The following ENDOD1 variants were observed in gnomAD, a reference collection of about 807,000 sequenced individuals.
ENDOD1 encodes the protein endonuclease domain-containing 1 protein.
In ENDOD1, 9 loss-of-function variants were observed where a neutral mutation model predicts 6.5. That is an observed-to-expected ratio of 1.39 (90% CI 0.84 to 2.43). The LOEUF is 2.43. Ranked by LOEUF, ENDOD1 falls within the 30% of genes most tolerant of loss-of-function variation. The probability of loss-of-function intolerance (pLI) is 0.00; values close to 1 mark genes in which losing one functional copy is unlikely to be tolerated. For synonymous variants in ENDOD1, 255 were observed against 255.2 expected (o/e 1.00, Z 0.01); for missense variants, 648 against 635.5 (o/e 1.02, Z -0.21).
intron 1 of ENDOD1, among the ~76,000 whole-genome samples, chr11:95,127,298 AT>A (rs1859320926): frequency 6.6e-6 from 1 of 152,004 alleles, no homozygotes; most frequent in African/African-American, 2.4e-5. Context: ...ATAATCATAA[AT>A]AATATTGAAT....
chr11:95,116,562 T>C (rs1431870853), intron 1 of ENDOD1, among the ~76,000 whole-genome samples: 1 of 152,230 alleles, frequency 6.6e-6, no homozygotes, highest in African/African-American at 2.4e-5. Flanking sequence ...TCTAGTACTT[T>C]AAGATGCAAC....
intron 1 of ENDOD1, among the ~76,000 whole-genome samples, chr11:95,103,983 C>T (rs1312224654): frequency 2.0e-5 from 3 of 152,218 alleles, no homozygotes; most frequent in African/African-American, 7.2e-5. Flanking sequence ...TTCACACCTG[C>T]TCTGTCACCA....
intron 1 of ENDOD1, among the ~76,000 whole-genome samples, chr11:95,127,489 A>G (rs1211882501): frequency 6.6e-6 from 1 of 152,200 alleles, no homozygotes; most frequent in Non-Finnish European, 1.5e-5. Flanking sequence ...ATAAATACCT[A>G]ATAACTGACA....
chr11:95,110,528 T>TG (rs548933202), intron 1 of ENDOD1, among the ~76,000 whole-genome samples: 81 of 152,232 alleles, frequency 5.3e-4, no homozygotes, highest in Non-Finnish European at 9.9e-4. Flanking sequence ...CCTGGTACAC[T>TG]GGGTTCCCTT....
chr11:95,124,359 TA>T (rs1163982665), intron 1 of ENDOD1, among the ~76,000 whole-genome samples: 2 of 152,190 alleles, frequency 1.3e-5, no homozygotes, highest in East Asian at 3.8e-4. Context: ...GTTCAAAAAA[TA>T]TTAGTCTCCA....
At chr11:95,094,394 C>CT (rs1415593344) in intron 1 of ENDOD1, among the ~76,000 whole-genome samples, 10 of 152,094 alleles carry the variant, frequency 6.6e-5, no homozygotes, top group African/African-American at 2.4e-4. Flanking sequence ...TCTTAGGACT[C>CT]TAATTTTCAT....
intron 1 of ENDOD1, among the ~76,000 whole-genome samples, chr11:95,099,843 T>C (rs1254446437): frequency 3.3e-5 from 5 of 152,330 alleles, no homozygotes; most frequent in Admixed American, 3.3e-4. Context: ...CTTGCTGTTA[T>C]CTTAGTGTTT....
intron 1 of ENDOD1, among the ~76,000 whole-genome samples, chr11:95,098,400 G>A (rs1859006735): frequency 6.6e-6 from 1 of 152,138 alleles, no homozygotes; most frequent in African/African-American, 2.4e-5. Flanking sequence ...GGAGGTGTTG[G>A]ACATGTCTCC....
At chr11:95,119,255 G>A (rs535294082) in intron 1 of ENDOD1, among the ~76,000 whole-genome samples, 1 of 152,318 alleles carries the variant, frequency 6.6e-6, no homozygotes, top group South Asian at 2.1e-4. Context: ...GCATTGAAGA[G>A]TGAGGTATTT....
chr11:95,090,185 T>C lies in ENDOD1; in HGVS notation c.258T>C (p.Pro86=). ...ACTCCGCGTTCCGCGCCCCGCGCCC[T>C]GCGCCCGGCGGCGCCGAGCAGCGAT... is the stretch of plus-strand genomic sequence containing the variant. ...PVYSAFRAPR[P]APGGAEQRWL... is the part of the protein sequence containing the mutation. The change falls in exon 1 of 2, where the codon CCT becomes CCC. Residue 86 remains proline, a synonymous_variant. Coordinates refer to ENST00000278505, the MANE Select transcript of ENDOD1 (RefSeq NM_015036.3). 2.8e-6 allele frequency: 4 copies of C among 1,422,322 alleles called. No homozygotes were observed. In the South Asian group the frequency reaches 5.7e-5, roughly 20 times the overall value. The allele number at this position is 1,422,322 out of a possible 1,614,324, so 88.1% of individuals were successfully genotyped here. A position where few individuals can be genotyped will look rare whatever the true frequency, so the allele number is the denominator to read the frequency against.
intron 1 of ENDOD1, among the ~76,000 whole-genome samples, chr11:95,116,025 C>T (rs1859205468): frequency 6.6e-6 from 1 of 152,080 alleles, no homozygotes; most frequent in African/African-American, 2.4e-5. Context: ...GATGTATTCT[C>T]TTCTTCTCTG....
At chr11:95,096,313 T>C (rs992879455) in intron 1 of ENDOD1, among the ~76,000 whole-genome samples, 4 of 145,980 alleles carry the variant, frequency 2.7e-5, no homozygotes, top group South Asian at 4.7e-4. Flanking sequence ...CCTTTCATTT[T>C]CATGAAACTT....
intron 1 of ENDOD1, among the ~76,000 whole-genome samples, chr11:95,096,417 G>C (rs1348300373): frequency 6.6e-6 from 1 of 151,894 alleles, no homozygotes; most frequent in African/African-American, 2.4e-5. Context: ...CTCATAGGCT[G>C]AACCAAGAAT....
At chr11:95,095,043 GCACACACACA>G (rs56010766) in intron 1 of ENDOD1, among the ~76,000 whole-genome samples, 81 of 147,996 alleles carry the variant, frequency 5.5e-4, no homozygotes, top group African/African-American at 1.9e-3. Context: ...GCGTGTGCAC[GCACACACACA>G]CACACACACA....
chr11:95,098,688 T>A (rs1279459622), intron 1 of ENDOD1, among the ~76,000 whole-genome samples: 1 of 152,122 alleles, frequency 6.6e-6, no homozygotes, highest in Non-Finnish European at 1.5e-5. Flanking sequence ...AGGAGGCACT[T>A]TTCTAGTGTT....
intron 1 of ENDOD1, among the ~76,000 whole-genome samples, chr11:95,115,493 C>A (rs1859199600): frequency 6.6e-6 from 1 of 151,674 alleles, no homozygotes; most frequent in Admixed American, 6.6e-5. Context: ...CCCTTTATTT[C>A]TTTCTCTTCT....
At chr11:95,107,461 T>C (rs1555111525) in intron 1 of ENDOD1, among the ~76,000 whole-genome samples, 1 of 152,040 alleles carries the variant, frequency 6.6e-6, no homozygotes, top group Admixed American at 6.5e-5. Flanking sequence ...TGGAAAAAAT[T>C]AGAAATGGAG....
Position 95,128,629 on chromosome 11 carries a change from G to A in ENDOD1, c.553G>A (p.Ala185Thr), listed in dbSNP as rs776372902. 8.1e-6 allele frequency: 13 copies of A among 1,614,210 alleles called. No individual in the cohort carries two copies. Among genetic ancestry groups the A allele is most frequent in the Non-Finnish European group, 1.0e-5 (12 of 1,180,050 alleles). Residue 185 changes from alanine (A) to threonine (T), a missense_variant, in exon 2 of 2, where the codon GCT becomes ACT. Physicochemically the swap from Ala to Thr is moderately conservative, Grantham distance 58. Coordinates refer to ENST00000278505, the MANE Select transcript of ENDOD1 (RefSeq NM_015036.3). Reference protein sequence around the residue: ...YVNLHSLMDRALTPQCGSGED... With the variant: ...YVNLHSLMDRTLTPQCGSGED... ...GAATCTCCACAGCCTAATGGACCGG[G>A]CTTTGACCCCACAGTGTGGCAGTGG... is the stretch of plus-strand genomic sequence containing the variant.
intron 1 of ENDOD1, among the ~76,000 whole-genome samples, chr11:95,123,159 A>C (rs1399599060): frequency 6.6e-6 from 1 of 151,008 alleles, no homozygotes; most frequent in Non-Finnish European, 1.5e-5. Flanking sequence ...ACTGCACTGC[A>C]GCCTGAGCAA....
Sources: allele counts gnomAD v4.1 joint callset (sites outside exome capture counted in the v4.1 genomes callset), GRCh38; gene constraint gnomAD v4.1.1; transcripts MANE v1.5; gene names NCBI Gene and HGNC (gene_info 2026-07-23, HGNC 2026-07-21).